The following LSAMP variants were observed in gnomAD, a reference collection of about 807,000 sequenced individuals.
The protein encoded by LSAMP is limbic system associated membrane protein, also known as limbic system-associated membrane protein.
Under a neutral mutation model 38.6 loss-of-function variants are expected in LSAMP, and 7 were observed. The ratio of observed to expected loss-of-function variants is 0.18; its 90% confidence interval spans 0.10 to 0.34. The LOEUF is 0.34. LSAMP is among the 10% of genes least tolerant of loss of function. The probability of loss-of-function intolerance (pLI) is 1.00; values close to 1 mark genes in which losing one functional copy is unlikely to be tolerated. For missense variants in LSAMP, 313 were observed against 420.0 expected (o/e 0.75, Z 2.23); for synonymous variants, 154 against 166.8 (o/e 0.92, Z 0.59).
intron 1 of LSAMP, among the ~76,000 whole-genome samples, chr3:116,389,474 T>A (rs1295303480): frequency 6.6e-6 from 1 of 152,130 alleles, no homozygotes; most frequent in East Asian, 1.9e-4. Flanking sequence ...ATCCATGATT[T>A]CCCCCTCCAA....
chr3:116,433,845 T>C (rs1304070728), intron 1 of LSAMP, among the ~76,000 whole-genome samples: 1 of 152,090 alleles, frequency 6.6e-6, no homozygotes, highest in African/African-American at 2.4e-5. Flanking sequence ...TTCACAGATA[T>C]CTCACTTCAG....
In LSAMP at chr3:116,130,778, A is replaced by T. The variant is rs73858545; in HGVS notation, c.156-44222T>A. Among the ~76,000 whole-genome samples the T allele has an allele frequency of 2.9e-3, 435 of 152,246 alleles. 2 individuals carry two copies. Among genetic ancestry groups the T allele is most frequent in the African/African-American group, 9.9e-3 (412 of 41,524 alleles). On this transcript the variant is annotated intron_variant, in intron 1 of 6. Coordinates refer to ENST00000490035, the MANE Select transcript of LSAMP (RefSeq NM_002338.5). ...CAGGTTTTTCCACATTGAAAAAATT[A>T]CCTACCCAGAAATCCTAAACATATA...
At chr3:116,324,060 C>A (rs1436168802) in intron 1 of LSAMP, among the ~76,000 whole-genome samples, 2 of 152,094 alleles carry the variant, frequency 1.3e-5, no homozygotes, top group South Asian at 2.1e-4. Context: ...ACCAGGAGAA[C>A]CTGACTATGA....
chr3:116,444,730 C>CCACA, intron 1 of LSAMP, 147 bp downstream of exon 1: 5 of 942,956 alleles, frequency 5.3e-6, no homozygotes, highest in Admixed American at 2.2e-5. Context: ...CACACACACA[C>CCACA]CACACACACA....
chr3:116,180,102 T>C (rs1710448729), intron 1 of LSAMP, among the ~76,000 whole-genome samples: 2 of 152,318 alleles, frequency 1.3e-5, no homozygotes, highest in South Asian at 2.1e-4. Context: ...ATTATACTCA[T>C]ATACTTAGTC....
intron 1 of LSAMP, among the ~76,000 whole-genome samples, chr3:116,408,773 A>C (rs564120833): frequency 6.6e-6 from 1 of 152,180 alleles, no homozygotes; most frequent in African/African-American, 2.4e-5. Flanking sequence ...CTACATAAAA[A>C]CATAAGAACT....
intron 1 of LSAMP, among the ~76,000 whole-genome samples, chr3:116,434,601 T>C (rs903009455): frequency 6.6e-6 from 1 of 152,176 alleles, no homozygotes; most frequent in Admixed American, 6.5e-5. Flanking sequence ...GTTGCTAGAC[T>C]GGAGTGCAGT....
Position 116,249,730 on chromosome 3 carries a change from G to C in LSAMP, c.156-163174C>G, listed in dbSNP as rs555475721. Reference sequence around the variant, plus strand: ...TCTTCTGGGTACCGTATATCCAAGAGAGTCCCGAAAAATTAGTATTTTCAG... The same window carrying C: ...TCTTCTGGGTACCGTATATCCAAGACAGTCCCGAAAAATTAGTATTTTCAG... On this transcript the variant is annotated intron_variant, in intron 1 of 6. Coordinates refer to ENST00000490035, the MANE Select transcript of LSAMP (RefSeq NM_002338.5). Among the ~76,000 whole-genome samples the C allele has an allele frequency of 3.8e-4, 57 of 151,818 alleles. No individual in the cohort carries two copies. The South Asian group carries it at 0.011, about 30-fold the overall frequency.
chr3:116,177,445 T>C (rs1710375385), intron 1 of LSAMP, among the ~76,000 whole-genome samples: 1 of 152,020 alleles, frequency 6.6e-6, no homozygotes, highest in African/African-American at 2.4e-5. Context: ...GCAAGCAGGA[T>C]ATAGGCTTCT....
chr3:116,164,798 G>T (rs1710008817), intron 1 of LSAMP, among the ~76,000 whole-genome samples: 1 of 134,758 alleles, frequency 7.4e-6, no homozygotes. Context: ...GCTTAGTAAG[G>T]CTGATGACCA....
chr3:116,124,122 ACT>A (rs942762216), intron 1 of LSAMP, among the ~76,000 whole-genome samples: 5 of 152,134 alleles, frequency 3.3e-5, no homozygotes, highest in South Asian at 2.1e-4. Flanking sequence ...CAATGGAATC[ACT>A]CTGCATTTTC....
chr3:116,135,976 A>G (rs1434431744), intron 1 of LSAMP, among the ~76,000 whole-genome samples: 3 of 152,138 alleles, frequency 2.0e-5, no homozygotes, highest in African/African-American at 7.2e-5. Flanking sequence ...CCCATGTTTG[A>G]TGGCCTCACA....
chr3:116,150,344 A>G (rs1436028517), intron 1 of LSAMP, among the ~76,000 whole-genome samples: 2 of 152,008 alleles, frequency 1.3e-5, no homozygotes, highest in African/African-American at 4.8e-5. Context: ...CCTCTCATGG[A>G]TCTTAGCTAT....
Position 115,908,094 on chromosome 3 carries a change from T to C in LSAMP, c.515-55477A>G, listed in dbSNP as rs148277905. On this transcript the variant is annotated intron_variant, in intron 3 of 6. Transcript: ENST00000490035. ...ACAGGGAAGATAAGAAAGATATATA[T>C]ATATATCTTATAATATGTGTCACTT... Among the ~76,000 whole-genome samples the C allele has an allele frequency of 3.9e-4, 60 of 152,014 alleles. No homozygotes were observed. In the East Asian group the frequency reaches 7.7e-3, roughly 20 times the overall value.
chr3:116,070,994 T>A, intron 2 of LSAMP, among the ~76,000 whole-genome samples: 1 of 151,406 alleles, frequency 6.6e-6, no homozygotes. Context: ...GAGCCGAGAT[T>A]GCACCATTGC....
Position 116,148,259 on chromosome 3 carries a change from T to C in LSAMP, c.156-61703A>G, listed in dbSNP as rs149451847. On this transcript the variant is annotated intron_variant, in intron 1 of 6. Coordinates refer to ENST00000490035, the MANE Select transcript of LSAMP (RefSeq NM_002338.5). Reference sequence around the variant, plus strand: ...TCATTAATTATTTATTCACACAAATTAATCATTTAGTGGATGTCCTTTTAA... The same window carrying C: ...TCATTAATTATTTATTCACACAAATCAATCATTTAGTGGATGTCCTTTTAA... Among the ~76,000 whole-genome samples, 245 of 152,092 alleles carry C rather than the reference T, an allele frequency of 1.6e-3. 2 individuals carry two copies. The highest frequency in any genetic ancestry group is 6.8e-3 in the Middle Eastern group (2 of 294).
At chr3:116,276,884 A>T (rs2047062760) in intron 1 of LSAMP, among the ~76,000 whole-genome samples, 1 of 152,168 alleles carries the variant, frequency 6.6e-6, no homozygotes, top group African/African-American at 2.4e-5. Context: ...TGGACCAATT[A>T]ACAAGGGTCC....
intron 1 of LSAMP, among the ~76,000 whole-genome samples, chr3:116,108,670 T>C (rs1333382129): frequency 2.0e-5 from 3 of 152,166 alleles, no homozygotes; most frequent in African/African-American, 7.2e-5. Flanking sequence ...CCAGGTGAGT[T>C]GAACAGTCCG....
At chr3:116,306,952 C>A (rs1409982663) in intron 1 of LSAMP, among the ~76,000 whole-genome samples, 2 of 151,946 alleles carry the variant, frequency 1.3e-5, no homozygotes, top group Non-Finnish European at 2.9e-5. Flanking sequence ...TGAACTACAA[C>A]TCATTGTCAA....
Sources: allele counts gnomAD v4.1 joint callset (sites outside exome capture counted in the v4.1 genomes callset), GRCh38; gene constraint gnomAD v4.1.1; transcripts MANE v1.5; gene names NCBI Gene and HGNC (gene_info 2026-07-23, HGNC 2026-07-21).